NPAS3: variants seen among roughly 807,000 people sequenced by gnomAD.
NPAS3 encodes neuronal PAS domain protein 3.
NPAS3 carries 14 observed loss-of-function variants against 73.1 expected under a neutral mutation model. The observed-to-expected ratio is 0.19, with a 90% confidence interval of 0.13 to 0.30. The LOEUF is 0.30. NPAS3 is among the 10% of genes least tolerant of loss of function. The pLI is 1.00. For missense variants in NPAS3, 1,096 were observed against 1,250.0 expected (o/e 0.88, Z 1.86); for synonymous variants, 620 against 541.5 (o/e 1.14, Z -2.01).
At chr14:33,079,324 C>CTTTTTTTTTTT in intron 2 of NPAS3, among the ~76,000 whole-genome samples, 1 of 113,032 alleles carries the variant, frequency 8.8e-6, no homozygotes. Context: ...TTTTCTTTTT[C>CTTTTTTTTTTT]CTTTTTTTTT....
At chr14:33,670,353 C>T (rs1031906963) in intron 5 of NPAS3, among the ~76,000 whole-genome samples, 5 of 152,070 alleles carry the variant, frequency 3.3e-5, no homozygotes, top group East Asian at 1.9e-4. Flanking sequence ...AATTTATACA[C>T]GTATTTCTGT....
chr14:33,126,240 G>T (rs79615984), intron 2 of NPAS3, among the ~76,000 whole-genome samples: 1 of 152,038 alleles, frequency 6.6e-6, no homozygotes, highest in Admixed American at 6.6e-5. Flanking sequence ...CTTGCAAGTG[G>T]CAATAGAGGA....
intron 4 of NPAS3, among the ~76,000 whole-genome samples, chr14:33,464,476 C>T (rs1406929991): frequency 6.6e-6 from 1 of 152,148 alleles, no homozygotes; most frequent in Admixed American, 6.5e-5. Flanking sequence ...GCATCGGTGA[C>T]ATAGCTGACC....
intron 2 of NPAS3, among the ~76,000 whole-genome samples, chr14:33,110,599 T>G (rs1367614885): frequency 6.6e-6 from 1 of 152,178 alleles, no homozygotes; most frequent in Non-Finnish European, 1.5e-5. Context: ...CAAGCTTAAA[T>G]GGAATGTGCA....
chr14:33,400,113 CTTA>C (rs1360494738), intron 4 of NPAS3, among the ~76,000 whole-genome samples: 1 of 152,058 alleles, frequency 6.6e-6, no homozygotes, highest in African/African-American at 2.4e-5. Context: ...TTAAATGTTA[CTTA>C]TTATTTTCCT....
chr14:33,733,104 A>G (rs2061439279), intron 6 of NPAS3, among the ~76,000 whole-genome samples: 2 of 152,114 alleles, frequency 1.3e-5, no homozygotes, highest in Admixed American at 6.6e-5. Context: ...ATCAATTGCA[A>G]ACATGATCTT....
chr14:33,499,224 G>A (rs2139895859), intron 4 of NPAS3, among the ~76,000 whole-genome samples: 1 of 151,912 alleles, frequency 6.6e-6, no homozygotes, highest in South Asian at 2.1e-4. Flanking sequence ...TCCAGAATCA[G>A]ACCTCAGAGA....
At chr14:33,242,007 G>T (rs1244280516) in intron 3 of NPAS3, among the ~76,000 whole-genome samples, 1 of 151,894 alleles carries the variant, frequency 6.6e-6, no homozygotes, top group Admixed American at 6.6e-5. Context: ...GTAAACCCTT[G>T]TAAGTAGCAA....
intron 4 of NPAS3, among the ~76,000 whole-genome samples, chr14:33,508,577 A>G (rs779994838): frequency 2.6e-5 from 4 of 152,056 alleles, no homozygotes; most frequent in African/African-American, 7.2e-5. Flanking sequence ...CAGGAAGCCA[A>G]CCACACACAG....
chr14:33,297,420 A>G (rs1470534816), intron 3 of NPAS3, among the ~76,000 whole-genome samples: 1 of 152,194 alleles, frequency 6.6e-6, no homozygotes, highest in African/African-American at 2.4e-5. Context: ...GGAATATCAC[A>G]AAATAAAAGT....
intron 7 of NPAS3, among the ~76,000 whole-genome samples, chr14:33,768,505 A>C (rs2062537107): frequency 6.6e-6 from 1 of 152,196 alleles, no homozygotes; most frequent in African/African-American, 2.4e-5. Flanking sequence ...GAATTTATCA[A>C]TTTGCAGCTG....
At chr14:33,228,685 A>T (rs917392767) in intron 3 of NPAS3, among the ~76,000 whole-genome samples, 28 of 152,090 alleles carry the variant, frequency 1.8e-4, no homozygotes, top group Admixed American at 1.1e-3. Flanking sequence ...TGGGGGAAAA[A>T]AGCGAACCAT....
chr14:33,351,709 A>G (rs1482337861), intron 3 of NPAS3, among the ~76,000 whole-genome samples: 1 of 152,168 alleles, frequency 6.6e-6, no homozygotes, highest in Non-Finnish European at 1.5e-5. Flanking sequence ...AGTCTTGAGG[A>G]TTTTCATATA....
At chr14:33,239,437 G>T (rs932058585) in intron 3 of NPAS3, among the ~76,000 whole-genome samples, 11 of 151,822 alleles carry the variant, frequency 7.2e-5, no homozygotes, top group African/African-American at 2.7e-4. Context: ...TAACAAAACA[G>T]TTTTTTCAAG....
intron 4 of NPAS3, among the ~76,000 whole-genome samples, chr14:33,532,717 A>C (rs2054097891): frequency 6.6e-6 from 1 of 152,086 alleles, no homozygotes; most frequent in Non-Finnish European, 1.5e-5. Context: ...AATATGTAAA[A>C]AGTAGGCGTT....
intron 1 of NPAS3, among the ~76,000 whole-genome samples, chr14:32,969,295 C>T (rs1159363807): frequency 6.6e-6 from 1 of 152,112 alleles, no homozygotes; most frequent in East Asian, 1.9e-4. Flanking sequence ...TGTCAGACCA[C>T]ATTCTGTTGG....
intron 5 of NPAS3, among the ~76,000 whole-genome samples, chr14:33,588,981 T>C (rs2056966450): frequency 6.6e-6 from 1 of 152,184 alleles, no homozygotes; most frequent in Admixed American, 6.5e-5. Context: ...AACACTGTCT[T>C]GTTTCCTATA....
intron 2 of NPAS3, among the ~76,000 whole-genome samples, chr14:33,169,508 C>A (rs956651700): frequency 6.6e-6 from 1 of 152,182 alleles, no homozygotes; most frequent in Non-Finnish European, 1.5e-5. Flanking sequence ...GCGGAGGTTG[C>A]AGTGAGCCGA....
At chr14:33,703,576 G>A (rs1343821183) in intron 6 of NPAS3, among the ~76,000 whole-genome samples, 1 of 143,844 alleles carries the variant, frequency 7.0e-6, no homozygotes, top group African/African-American at 2.5e-5. Context: ...TTGCTTTCTA[G>A]GTTAAGAAAA....
Sources: allele counts gnomAD v4.1 joint callset (sites outside exome capture counted in the v4.1 genomes callset), GRCh38; gene constraint gnomAD v4.1.1; transcripts MANE v1.5; gene names NCBI Gene and HGNC (gene_info 2026-07-23, HGNC 2026-07-21).